Variants in CLEC17A observed in about 807,000 individuals in gnomAD.
CLEC17A encodes the protein C-type lectin domain containing 17A.
A neutral mutation model predicts 61.3 loss-of-function variants in CLEC17A; 37 were observed. The observed-to-expected ratio is 0.60, with a 90% CI of 0.46 to 0.79. The LOEUF (loss-of-function observed/expected upper bound fraction) is 0.79. Ranked by LOEUF, CLEC17A falls within the 30% of genes least tolerant of loss-of-function variation. CLEC17A has a pLI of 0.00. For synonymous variants in CLEC17A, 168 were observed against 164.9 expected (o/e 1.02, Z -0.14); for missense variants, 418 against 464.7 (o/e 0.90, Z 0.92).
chr19:14,593,795 T>C (rs545357327), intron 4 of CLEC17A, among the ~76,000 whole-genome samples: 2 of 151,158 alleles, frequency 1.3e-5, no homozygotes, highest in African/African-American at 2.4e-5. Flanking sequence ...CCCGTCTCTA[T>C]TAAAAAAATA....
At chr19:14,592,666 CTTTT>C (rs1012180380) in intron 4 of CLEC17A, among the ~76,000 whole-genome samples, 2 of 150,940 alleles carry the variant, frequency 1.3e-5, no homozygotes, top group African/African-American at 4.9e-5. Flanking sequence ...ACATTTCTTT[CTTTT>C]TTTCTTTTTT....
chr19:14,583,045 A>G, upstream of CLEC17A: 1 of 1,112,884 alleles, frequency 9.0e-7, no homozygotes, highest in Non-Finnish European at 1.3e-6. Flanking sequence ...ATTTGCATGT[A>G]TTTGACTTTG....
At chr19:14,594,909 T>C (rs2074506673) in intron 7 of CLEC17A, 109 bp downstream of exon 7, 1 of 1,114,044 alleles carries the variant, frequency 9.0e-7, no homozygotes, top group African/African-American at 1.6e-5. Flanking sequence ...AGTCTCACTG[T>C]CATCCAGGCT....
chr19:14,588,735 G>T (rs1474634118), intron 3 of CLEC17A: 2 of 152,098 alleles, frequency 1.3e-5, no homozygotes, highest in African/African-American at 4.8e-5. Context: ...GAGGCCATGA[G>T]AGATCCTGGG....
chr19:14,602,480 G>T (rs2074745416), intron 12 of CLEC17A, among the ~76,000 whole-genome samples: 1 of 152,044 alleles, frequency 6.6e-6, no homozygotes, highest in East Asian at 1.9e-4. Context: ...TTTTTGTAGA[G>T]ATGAGGTTTT....
intron 2 of CLEC17A, among the ~76,000 whole-genome samples, chr19:14,586,841 G>A (rs1445320965): frequency 4.0e-5 from 6 of 151,860 alleles, no homozygotes; most frequent in Non-Finnish European, 5.9e-5. Flanking sequence ...AACTGGGAGC[G>A]GGGAGGTGGG....
chr19:14,595,411 T>G lies in CLEC17A; in HGVS notation c.445+96T>G, dbSNP rs542291333. ...GACCCTGAGTCAGAGGAACTTCTCC[T>G]TTAAGAAGCTGCTCCTTCAGGACCT... is the stretch of plus-strand genomic sequence containing the variant. On this transcript the variant is annotated intron_variant, in intron 8 of 13. Transcript: ENST00000417570. The G allele has an allele frequency of 3.2e-5, 43 of 1,360,564 alleles. 1 individual carries two copies. The South Asian group carries it at 4.6e-4, about 15-fold the overall frequency. 84.3% of individuals were successfully genotyped at this position (1,360,564 alleles called of 1,614,324 possible).
In CLEC17A at chr19:14,587,723, G is replaced by C. The variant is rs376047964; in HGVS notation, c.199+32G>C. On this transcript the variant is annotated intron_variant, in intron 3 of 13. Coordinates refer to ENST00000417570, the MANE Select transcript of CLEC17A (RefSeq NM_001204118.2). ...GGACTTTTTGGAGTGTGACCTGGGG[G>C]AATACAGGGAACGGGGTCTCCAGTG... The C allele has an allele frequency of 3.1e-6, 5 of 1,609,804 alleles. No homozygotes were observed. In the African/African-American group the frequency reaches 6.7e-5, roughly 22 times the overall value.
chr19:14,592,931 G>C (rs1037513646), intron 4 of CLEC17A, among the ~76,000 whole-genome samples: 2 of 152,128 alleles, frequency 1.3e-5, no homozygotes. Flanking sequence ...ATCCCAAAGT[G>C]CTGGGATTAC....
intron 13 of CLEC17A, 138 bp from the exon 14 acceptor site, chr19:14,609,926 G>A: frequency 1.6e-6 from 1 of 644,154 alleles, no homozygotes; most frequent in Middle Eastern, 2.8e-4. Flanking sequence ...CCGGCTTACA[G>A]GTGTAAGGCT....
chr19:14,609,947 C>A, intron 13 of CLEC17A, 117 bp from the exon 14 acceptor site: 1 of 723,496 alleles, frequency 1.4e-6, no homozygotes, highest in Non-Finnish European at 2.4e-6. Flanking sequence ...CCACACACGG[C>A]CTAATATGGG....
intron 4 of CLEC17A, among the ~76,000 whole-genome samples, chr19:14,593,685 G>A (rs2074475414): frequency 6.6e-6 from 1 of 151,932 alleles, no homozygotes; most frequent in African/African-American, 2.4e-5. Flanking sequence ...CACGGGCTGG[G>A]TGCGGTGGCT....
intron 12 of CLEC17A, among the ~76,000 whole-genome samples, chr19:14,601,104 T>C (rs1399229237): frequency 1.2e-4 from 18 of 151,708 alleles, no homozygotes; most frequent in African/African-American, 2.2e-4. Context: ...GGTTTCTCCA[T>C]GTTGGCCAGG....
rs1328783181 is a variant in CLEC17A at position 14,610,953 on chromosome 19, T to C, written c.*757T>C. 1.3e-5 allele frequency: 2 copies of C among 151,954 alleles called. No homozygotes were observed. Among genetic ancestry groups the C allele is most frequent in the Non-Finnish European group, 2.9e-5 (2 of 68,010 alleles). The allele number at this position is 151,954 out of a possible 1,614,324, so 9.4% of individuals were successfully genotyped here. On this transcript the variant is annotated 3_prime_UTR_variant, in exon 14 of 14. Coordinates refer to ENST00000417570, the MANE Select transcript of CLEC17A (RefSeq NM_001204118.2). ...CTGGGATTACAGGCATGTGTCACCG[T>C]ACCTGGCCGATATTTTTATTTTTAT...
At chr19:14,605,885 C>T (rs1163851557) in intron 12 of CLEC17A, among the ~76,000 whole-genome samples, 4 of 152,000 alleles carry the variant, frequency 2.6e-5, no homozygotes, top group South Asian at 4.1e-4. Flanking sequence ...ACTATAGACA[C>T]GCACCACCAC....
At position 14,583,085 on chromosome 19, in the gene CLEC17A, G is replaced by A; in HGVS notation, c.-76G>A. 1 of 1,538,074 alleles carries A rather than the reference G, an allele frequency of 6.5e-7. No individual in the cohort carries two copies. Among genetic ancestry groups the A allele is most frequent in the South Asian group, 1.1e-5 (1 of 87,700 alleles). The stretch of plus-strand genomic sequence containing the variant: ...GAAAAGGGAACTGAGAGAGCCCCCA[G>A]ACGCCTGAGTCGGAGAGACAGGGGG... On this transcript the variant is annotated 5_prime_UTR_variant, in exon 1 of 14. Coordinates refer to ENST00000417570, the MANE Select transcript of CLEC17A (RefSeq NM_001204118.2).
At chr19:14,588,680 G>C (rs896301129) in intron 3 of CLEC17A, 1 of 151,972 alleles carries the variant, frequency 6.6e-6, no homozygotes, top group Admixed American at 6.6e-5. Flanking sequence ...AAATGAAACC[G>C]GAGGTTTTTG....
intron 4 of CLEC17A, among the ~76,000 whole-genome samples, chr19:14,593,701 C>A (rs1032047853): frequency 6.6e-6 from 1 of 151,938 alleles, no homozygotes; most frequent in Non-Finnish European, 1.5e-5. Context: ...TGGCTCACGC[C>A]TGTAATCCCA....
chr19:14,608,815 T>G (rs537010589), intron 13 of CLEC17A, among the ~76,000 whole-genome samples: 1 of 150,772 alleles, frequency 6.6e-6, no homozygotes, highest in Admixed American at 6.6e-5. Context: ...TTTTTTTTTT[T>G]TTGAGACGGA....
Sources: gnomAD v4.1 joint callset for allele counts (sites outside exome capture counted in the v4.1 genomes callset) on GRCh38, gnomAD v4.1.1 for gene constraint, MANE v1.5 for transcripts, NCBI Gene and HGNC (gene_info 2026-07-23, HGNC 2026-07-21) for gene names.